Variants in CHCHD3 observed in about 807,000 individuals in gnomAD.
The protein encoded by CHCHD3 is MICOS complex subunit MIC19.
CHCHD3 carries 20 observed loss-of-function variants against 38.2 expected under a neutral mutation model. That is an observed-to-expected ratio of 0.52 (90% confidence interval 0.37 to 0.76). The LOEUF (loss-of-function observed/expected upper bound fraction) is 0.76. Ranked by LOEUF, CHCHD3 falls within the 30% of genes least tolerant of loss-of-function variation. The probability of loss-of-function intolerance (pLI) is 0.00; values close to 1 mark genes in which losing one functional copy is unlikely to be tolerated. For missense variants in CHCHD3, 245 were observed against 279.2 expected (o/e 0.88, Z 0.87); for synonymous variants, 82 against 100.0 (o/e 0.82, Z 1.07).
chr7:133,002,887 G>C (rs1033034340), intron 3 of CHCHD3, among the ~76,000 whole-genome samples: 10 of 152,106 alleles, frequency 6.6e-5, no homozygotes, highest in South Asian at 4.1e-4. Context: ...AATAGCAATT[G>C]AGCAAAAATA....
intron 2 of CHCHD3, among the ~76,000 whole-genome samples, chr7:133,036,613 A>T (rs868475931): frequency 6.6e-6 from 1 of 152,228 alleles, no homozygotes; most frequent in Admixed American, 6.5e-5. Context: ...TTAATAAAAG[A>T]GTCAGGTTTA....
intron 2 of CHCHD3, among the ~76,000 whole-genome samples, chr7:133,034,192 A>C (rs1813581625): frequency 6.6e-6 from 1 of 152,214 alleles, no homozygotes; most frequent in Non-Finnish European, 1.5e-5. Flanking sequence ...ATGAATACTG[A>C]ACAAACAGTT....
chr7:132,816,098 T>C (rs1403077654), intron 6 of CHCHD3, among the ~76,000 whole-genome samples: 2 of 152,242 alleles, frequency 1.3e-5, no homozygotes, highest in Admixed American at 1.3e-4. Context: ...CTTATGGTCA[T>C]GTAGTTCAGA....
intron 6 of CHCHD3, among the ~76,000 whole-genome samples, chr7:132,833,077 T>C (rs1263952810): frequency 6.6e-6 from 1 of 152,220 alleles, no homozygotes; most frequent in Admixed American, 6.5e-5. Context: ...TGTTAAGAAC[T>C]ACACATGTAA....
At chr7:132,829,065 C>T (rs1235019916) in intron 6 of CHCHD3, among the ~76,000 whole-genome samples, 1 of 152,144 alleles carries the variant, frequency 6.6e-6, no homozygotes, top group Non-Finnish European at 1.5e-5. Flanking sequence ...GCACTCAAAA[C>T]GCAAAATATG....
In CHCHD3 at chr7:133,082,071, A is replaced by G; in HGVS notation, c.-134T>C. 1 of 774,510 alleles carries G rather than the reference A, an allele frequency of 1.3e-6. No individual in the cohort carries two copies. Among genetic ancestry groups the G allele is most frequent in the South Asian group, 1.9e-5 (1 of 52,944 alleles). The allele number at this position is 774,510 out of a possible 1,614,324, so 48.0% of individuals were successfully genotyped here. Reference sequence around the variant, plus strand: ...GAGCAAGGCCACGACCCCCAGAAGCAAGGAGAAGGCGCCGGTCCTGAGCTC... The same window carrying G: ...GAGCAAGGCCACGACCCCCAGAAGCGAGGAGAAGGCGCCGGTCCTGAGCTC... On this transcript the variant is annotated 5_prime_UTR_variant, in exon 1 of 8. Coordinates refer to ENST00000262570, the MANE Select transcript of CHCHD3 (RefSeq NM_017812.4).
At chr7:132,964,389 T>C (rs1811404211) in intron 4 of CHCHD3, among the ~76,000 whole-genome samples, 2 of 152,170 alleles carry the variant, frequency 1.3e-5, no homozygotes, top group Non-Finnish European at 2.9e-5. Context: ...AAGACTAGCC[T>C]GACCAACATG....
intron 4 of CHCHD3, among the ~76,000 whole-genome samples, chr7:132,970,782 A>G (rs1438341058): frequency 6.6e-6 from 1 of 152,068 alleles, no homozygotes; most frequent in Non-Finnish European, 1.5e-5. Context: ...AAAAAAGAAA[A>G]GAAGAGAAAA....
intron 5 of CHCHD3, among the ~76,000 whole-genome samples, chr7:132,870,701 A>G (rs566829348): frequency 2.0e-5 from 3 of 152,262 alleles, no homozygotes; most frequent in Admixed American, 1.3e-4. Flanking sequence ...CCACTTGTCT[A>G]TATTTGGGAG....
chr7:132,913,248 C>G (rs1272572829), intron 4 of CHCHD3, among the ~76,000 whole-genome samples: 1 of 152,154 alleles, frequency 6.6e-6, no homozygotes, highest in Non-Finnish European at 1.5e-5. Context: ...TAGGTACTAT[C>G]AATGATGAAC....
chr7:132,917,659 C>T (rs953103981), intron 4 of CHCHD3, among the ~76,000 whole-genome samples: 11 of 152,056 alleles, frequency 7.2e-5, no homozygotes, highest in African/African-American at 2.4e-4. Flanking sequence ...GAGATCGAGA[C>T]CATCCTGGTT....
chr7:133,014,092 C>T (rs547875083), intron 3 of CHCHD3, among the ~76,000 whole-genome samples: 16 of 152,172 alleles, frequency 1.1e-4, no homozygotes, highest in South Asian at 1.0e-3. Flanking sequence ...AATCCAACAA[C>T]CCCATCAGGA....
chr7:132,941,128 G>C (rs1357185702), intron 4 of CHCHD3, among the ~76,000 whole-genome samples: 1 of 152,162 alleles, frequency 6.6e-6, no homozygotes, highest in East Asian at 1.9e-4. Flanking sequence ...AAAAGGTTAT[G>C]GTGAGGCAAC....
intron 4 of CHCHD3, among the ~76,000 whole-genome samples, chr7:132,891,447 C>T (rs1424128152): frequency 1.3e-5 from 2 of 152,160 alleles, no homozygotes; most frequent in African/African-American, 4.8e-5. Context: ...TGAACATAGA[C>T]CAGAGAGATG....
chr7:133,065,780 A>G (rs1180809354), intron 2 of CHCHD3, among the ~76,000 whole-genome samples: 3 of 152,190 alleles, frequency 2.0e-5, no homozygotes, highest in African/African-American at 7.2e-5. Context: ...TTATAAGCCT[A>G]TTTTTTTAAT....
intron 4 of CHCHD3, among the ~76,000 whole-genome samples, chr7:132,944,873 T>C (rs1418970521): frequency 1.3e-5 from 2 of 152,060 alleles, no homozygotes; most frequent in Non-Finnish European, 1.5e-5. Flanking sequence ...TGTTACAAAA[T>C]TATTATTCCA....
At chr7:132,985,437 C>T (rs1405323246) in intron 3 of CHCHD3, among the ~76,000 whole-genome samples, 3 of 70,124 alleles carry the variant, frequency 4.3e-5, no homozygotes, top group African/African-American at 1.6e-4. Context: ...CGCCTCTGCC[C>T]GGCCGCCCCT....
intron 3 of CHCHD3, among the ~76,000 whole-genome samples, chr7:132,984,670 C>G (rs1320803394): frequency 6.6e-6 from 1 of 150,498 alleles, no homozygotes; most frequent in African/African-American, 2.4e-5. Flanking sequence ...TGCCTCTGCC[C>G]TGCCGCCCCG....
intron 5 of CHCHD3, among the ~76,000 whole-genome samples, chr7:132,870,676 T>C (rs533121452): frequency 6.6e-6 from 1 of 152,292 alleles, no homozygotes; most frequent in African/African-American, 2.4e-5. Context: ...GGAGGTCTAA[T>C]ATATGAATCC....
Sources: gnomAD v4.1 joint callset for allele counts (sites outside exome capture counted in the v4.1 genomes callset) on GRCh38, gnomAD v4.1.1 for gene constraint, MANE v1.5 for transcripts, NCBI Gene and HGNC (gene_info 2026-07-23, HGNC 2026-07-21) for gene names.